Variants in MAP1B observed in about 807,000 individuals in gnomAD.
The protein encoded by MAP1B is microtubule-associated protein 1B.
Under a neutral mutation model 176.1 loss-of-function variants are expected in MAP1B, and 12 were observed. The ratio of observed to expected loss-of-function variants is 0.07; its 90% confidence interval spans 0.04 to 0.11. The LOEUF (loss-of-function observed/expected upper bound fraction) is 0.11, where lower values mean the gene tolerates loss of function less well. Among genes scored for constraint, MAP1B ranks in the 10% least tolerant of loss-of-function variants. MAP1B has a pLI of 1.00. For synonymous variants in MAP1B, 1,044 were observed against 1,135.0 expected (o/e 0.92, Z 1.61); for missense variants, 2,523 against 2,990.5 (o/e 0.84, Z 3.65).
At chr5:72,119,359 A>G (rs1745486561) in intron 2 of MAP1B, among the ~76,000 whole-genome samples, 1 of 152,230 alleles carries the variant, frequency 6.6e-6, no homozygotes. Context: ...ATGTAAAGCC[A>G]TTCCTGGCCA....
chr5:72,180,519 C>T (rs1183530957), intron 2 of MAP1B, among the ~76,000 whole-genome samples: 1 of 152,176 alleles, frequency 6.6e-6, no homozygotes, highest in Non-Finnish European at 1.5e-5. Context: ...TTTAAATGCA[C>T]ATGGTTGTCA....
intron 2 of MAP1B, among the ~76,000 whole-genome samples, chr5:72,150,706 T>C (rs1448050096): frequency 6.6e-6 from 1 of 152,216 alleles, no homozygotes; most frequent in African/African-American, 2.4e-5. Context: ...GATGTGTCCA[T>C]GTATTTTCAT....
chr5:72,120,090 T>A (rs1474280942), intron 2 of MAP1B, among the ~76,000 whole-genome samples: 2 of 152,204 alleles, frequency 1.3e-5, no homozygotes, highest in African/African-American at 4.8e-5. Flanking sequence ...CCCATAATTA[T>A]CTGTCGTAGA....
In MAP1B at chr5:72,143,141, A is replaced by G. The variant is rs115340503; in HGVS notation, c.286+27342A>G. Among the ~76,000 whole-genome samples, 1,118 of 152,282 alleles carry G rather than the reference A, an allele frequency of 7.3e-3. 6 individuals carry two copies. The highest frequency in any genetic ancestry group is 0.013 in the Non-Finnish European group (881 of 68,008). On this transcript the variant is annotated intron_variant, in intron 2 of 6. Transcript: ENST00000296755. ...ACAAATACCAACTAAGTGTAGAAAC[A>G]TCTTTGCACGTATCATAGAGAAGCT...
intron 1 of MAP1B, among the ~76,000 whole-genome samples, chr5:72,112,698 T>C (rs1745364842): frequency 6.6e-6 from 1 of 152,212 alleles, no homozygotes; most frequent in Admixed American, 6.5e-5. Flanking sequence ...TTCTCAGAGA[T>C]GACGGATGCC....
chr5:72,131,292 G>A (rs1418318681), intron 2 of MAP1B, among the ~76,000 whole-genome samples: 1 of 152,028 alleles, frequency 6.6e-6, no homozygotes, highest in Admixed American at 6.6e-5. Flanking sequence ...TAAGACATTG[G>A]ACACTGTATT....
At chr5:72,121,439 G>T (rs1321161304) in intron 2 of MAP1B, among the ~76,000 whole-genome samples, 1 of 152,190 alleles carries the variant, frequency 6.6e-6, no homozygotes, top group African/African-American at 2.4e-5. Context: ...GTGATGGATG[G>T]TGTATATGGG....
At chr5:72,114,881 A>G (rs139823369) in intron 1 of MAP1B, among the ~76,000 whole-genome samples, 1 of 152,068 alleles carries the variant, frequency 6.6e-6, no homozygotes, top group Non-Finnish European at 1.5e-5. Context: ...GTCTGATAGG[A>G]CTTCCTTTCC....
Position 72,141,504 on chromosome 5 carries a change from A to G in MAP1B, c.286+25705A>G, listed in dbSNP as rs374375378. Among the ~76,000 whole-genome samples the G allele has an allele frequency of 1.4e-4, 21 of 152,300 alleles. 1 individual carries two copies. In the East Asian group the frequency reaches 3.5e-3, roughly 25 times the overall value. ...ATGGGTCTCTTGAAATCATAAATGC[A>G]TTGCTTAGGGATCAGTAGCCTCGGA... On this transcript the variant is annotated intron_variant, in intron 2 of 6. Coordinates refer to ENST00000296755, the MANE Select transcript of MAP1B (RefSeq NM_005909.5).
At chr5:72,188,305 C>T (rs1174074691) in intron 4 of MAP1B, among the ~76,000 whole-genome samples, 1 of 152,184 alleles carries the variant, frequency 6.6e-6, no homozygotes, top group African/African-American at 2.4e-5. Context: ...GGGTCACACA[C>T]ATTATTAGCA....
Position 72,208,410 on chromosome 5 carries a change from A to G in MAP1B, c.*3171A>G, listed in dbSNP as rs1158285496. The G allele has an allele frequency of 6.6e-6, 1 of 152,194 alleles. No individual in the cohort carries two copies. The highest frequency in any genetic ancestry group is 1.5e-5 in the Non-Finnish European group (1 of 68,020). The allele number at this position is 152,194 out of a possible 1,614,324, so 9.4% of individuals were successfully genotyped here. On this transcript the variant is annotated 3_prime_UTR_variant, in exon 7 of 7. Transcript: ENST00000296755. ...CACTCATGATCATGACCTTTTTGGT[A>G]GTATTCTTAAACAAAATTCTACAGA...
intron 2 of MAP1B, among the ~76,000 whole-genome samples, chr5:72,145,325 T>G (rs1746025242): frequency 6.6e-6 from 1 of 151,682 alleles, no homozygotes; most frequent in South Asian, 2.1e-4. Context: ...AGAAAGAGAA[T>G]GATATTAAGC....
chr5:72,198,076 T>G lies in MAP1B; in HGVS notation c.4721T>G (p.Leu1574Arg). Residue 1574 changes from leucine (L) to arginine (R), a missense_variant, in exon 5 of 7, where the codon CTG (leucine) becomes CGG (arginine). Physicochemically the swap from Leu to Arg is moderately radical, Grantham distance 102. This residue lies in a region of MAP1B where 1,925 missense variants were observed against 2,126.0 expected (regional missense o/e 0.91). Transcript: ENST00000296755. ...EPTTDDVSPS[L>R]HAEVGSPHST... The stretch of plus-strand genomic sequence containing the variant: ...ACAACAGATGATGTGTCTCCATCTC[T>G]GCATGCTGAGGTTGGCTCCCCACAT... 1.2e-6 allele frequency: 2 copies of G among 1,614,226 alleles called. No individual in the cohort carries two copies. Among genetic ancestry groups the G allele is most frequent in the Non-Finnish European group, 1.7e-6 (2 of 1,180,046 alleles).
intron 2 of MAP1B, among the ~76,000 whole-genome samples, chr5:72,150,701 G>A (rs571575614): frequency 7.9e-5 from 12 of 152,184 alleles, no homozygotes; most frequent in African/African-American, 2.9e-4. Context: ...CCCTCGATGT[G>A]TCCATGTATT....
In MAP1B at chr5:72,194,460, G is replaced by A. The variant is rs1365288239; in HGVS notation, c.1105G>A (p.Glu369Lys). 2 of 1,613,974 alleles carry A rather than the reference G, an allele frequency of 1.2e-6. No individual in the cohort carries two copies. The highest frequency in any genetic ancestry group is 4.5e-5 in the East Asian group (2 of 44,884). The change falls in exon 5 of 7, where the codon GAG becomes AAG. Residue 369 changes from glutamate (E) to lysine (K), a missense_variant. By Grantham distance (56) the Glu-to-Lys change is moderately conservative. Transcript: ENST00000296755. The surrounding 1 kb of genome is among the most constrained non-coding windows in gnomAD (Gnocchi z 7.2). ...TGTACCTGAAAATCTCAAAAATCCA[G>A]AGCCAAACATCAAGATGAAGAGAAG... The part of the protein sequence containing the change: ...LNVPENLKNP[E>K]PNIKMKRSIE...
In MAP1B at chr5:72,139,054, G is replaced by A. The variant is rs148335898; in HGVS notation, c.286+23255G>A. On this transcript the variant is annotated intron_variant, in intron 2 of 6. Transcript: ENST00000296755. ...TCATGGAAATGAGATTCAATAGTAA[G>A]TTACGTGTCTGGGGAAAATAGAGCT... Among the ~76,000 whole-genome samples, 528 of 152,282 alleles carry A rather than the reference G, an allele frequency of 3.5e-3. 2 individuals carry two copies. Among genetic ancestry groups the A allele is most frequent in the African/African-American group, 0.012 (508 of 41,554 alleles).
chr5:72,114,610 T>A (rs1295256616), intron 1 of MAP1B, among the ~76,000 whole-genome samples: 2 of 152,208 alleles, frequency 1.3e-5, no homozygotes, highest in Non-Finnish European at 2.9e-5. Context: ...ATATAATATG[T>A]AAACATGTAA....
intron 1 of MAP1B, among the ~76,000 whole-genome samples, chr5:72,111,239 G>A (rs1745332201): frequency 6.6e-6 from 1 of 152,006 alleles, no homozygotes; most frequent in Non-Finnish European, 1.5e-5. Context: ...CTAGAGCCTT[G>A]TGAACGTTTT....
At chr5:72,203,930 T>C (rs893977991) in intron 6 of MAP1B, 129 bp downstream of exon 6, 1 of 716,338 alleles carries the variant, frequency 1.4e-6, no homozygotes, top group African/African-American at 1.8e-5. Flanking sequence ...CCTGTGTCTG[T>C]CACACACGAA....
Sources: gnomAD v4.1 joint callset for allele counts (sites outside exome capture counted in the v4.1 genomes callset) on GRCh38, gnomAD v4.1.1 for gene constraint, gnomAD v4.1.1 regional missense constraint, Gnocchi (gnomAD v3.1) non-coding constraint, MANE v1.5 for transcripts, NCBI Gene and HGNC (gene_info 2026-07-23, HGNC 2026-07-21) for gene names.